PRORP: variants seen among roughly 807,000 people sequenced by gnomAD.
PRORP encodes the protein protein only RNase P catalytic subunit.
Under a neutral mutation model 59.4 loss-of-function variants are expected in PRORP, and 51 were observed. That is an observed-to-expected ratio of 0.86 (90% CI 0.69 to 1.08). The LOEUF (loss-of-function observed/expected upper bound fraction) is 1.08, where lower values mean the gene tolerates loss of function less well. PRORP is among the 50% of genes least tolerant of loss of function. The probability of loss-of-function intolerance (pLI) is 0.00; values close to 1 mark genes in which losing one functional copy is unlikely to be tolerated. For missense variants in PRORP, 646 were observed against 690.3 expected (o/e 0.94, Z 0.72); for synonymous variants, 231 against 245.6 (o/e 0.94, Z 0.55).
Position 35,233,254 on chromosome 14 carries a change from C to T in PRORP, c.1276-33473C>T, listed in dbSNP as rs911889043. Among the ~76,000 whole-genome samples the T allele has an allele frequency of 8.7e-5, 13 of 149,994 alleles. 1 individual carries two copies. The highest frequency in any genetic ancestry group is 2.7e-4 in the African/African-American group (11 of 40,748). Reference sequence around the variant, plus strand: ...ATTGTTTCTGATAGGTACTTACCATCGGCTACGGCATTGCATAACTCTAGA... The same window carrying T: ...ATTGTTTCTGATAGGTACTTACCATTGGCTACGGCATTGCATAACTCTAGA... On this transcript the variant is annotated intron_variant, in intron 5 of 7. Transcript: ENST00000534898.
At chr14:35,263,099 T>C in intron 5 of PRORP, 1 of 1,129,710 alleles carries the variant, frequency 8.9e-7, no homozygotes, top group Middle Eastern at 2.9e-4. Context: ...CTATTTGTGA[T>C]GTTTAAATGA....
chr14:35,167,492 T>A (rs2048212928), intron 4 of PRORP, among the ~76,000 whole-genome samples: 1 of 152,214 alleles, frequency 6.6e-6, no homozygotes, highest in East Asian at 1.9e-4. Context: ...TCTCTTTAGT[T>A]TACAGTACTG....
chr14:35,132,902 TTTTTG>T (rs142726818), intron 4 of PRORP, among the ~76,000 whole-genome samples: 32,578 of 151,096 alleles, frequency 0.22, 4,117 homozygotes, highest in African/African-American at 0.35. Flanking sequence ...AGTTAGTGTT[TTTTTG>T]TTTTGTTTTG....
At chr14:35,177,995 A>G (rs56994597) in intron 4 of PRORP, among the ~76,000 whole-genome samples, 1 of 152,132 alleles carries the variant, frequency 6.6e-6, no homozygotes, top group Admixed American at 6.5e-5. Flanking sequence ...CCTTCATTTC[A>G]TTATGTACCC....
intron 6 of PRORP, among the ~76,000 whole-genome samples, chr14:35,268,851 C>T (rs1322659076): frequency 1.3e-5 from 2 of 152,228 alleles, no homozygotes; most frequent in Non-Finnish European, 2.9e-5. Context: ...ACCTCAGCCT[C>T]CCAAAGTGCT....
chr14:35,256,388 G>A (rs1208620825), intron 5 of PRORP, among the ~76,000 whole-genome samples: 2 of 121,196 alleles, frequency 1.7e-5, no homozygotes, highest in African/African-American at 6.7e-5. Context: ...CTGGAGTTCA[G>A]TGGTGCAATC....
chr14:35,198,698 T>C (rs956932054), intron 5 of PRORP, among the ~76,000 whole-genome samples: 3 of 152,234 alleles, frequency 2.0e-5, no homozygotes, highest in Non-Finnish European at 2.9e-5. Context: ...GAGGTACTTA[T>C]GTAAGTTCTA....
intron 5 of PRORP, among the ~76,000 whole-genome samples, chr14:35,249,306 G>C (rs1204334546): frequency 6.6e-6 from 1 of 152,138 alleles, no homozygotes; most frequent in Non-Finnish European, 1.5e-5. Flanking sequence ...GATGGGCTGG[G>C]CATGGTGGTT....
At chr14:35,121,937 C>G, upstream of PRORP, 3 of 1,614,154 alleles carry the variant, frequency 1.9e-6, no homozygotes, top group Non-Finnish European at 8.5e-7. Flanking sequence ...TAGGCGCCGA[C>G]GAAGAACTTC....
intron 3 of PRORP, 83 bp from the exon 4 acceptor site, chr14:35,127,396 C>T (rs995199997): frequency 7.0e-5 from 65 of 926,696 alleles, no homozygotes; most frequent in Middle Eastern, 6.5e-4. Flanking sequence ...TTTTAATTTC[C>T]TCATTGTTCA....
chr14:35,253,355 G>A (rs373921347), intron 5 of PRORP, among the ~76,000 whole-genome samples: 21 of 113,004 alleles, frequency 1.9e-4, no homozygotes, highest in East Asian at 6.1e-4. Flanking sequence ...GAGAGAGAGA[G>A]AGAAAGAAAG....
chr14:35,180,113 C>T (rs1350233816), intron 4 of PRORP, among the ~76,000 whole-genome samples: 1 of 152,112 alleles, frequency 6.6e-6, no homozygotes, highest in Non-Finnish European at 1.5e-5. Context: ...TCAGGGGTAC[C>T]CGGCCGTGTG....
chr14:35,184,076 T>C (rs1042951344), intron 5 of PRORP, among the ~76,000 whole-genome samples: 1 of 152,170 alleles, frequency 6.6e-6, no homozygotes, highest in Non-Finnish European at 1.5e-5. Context: ...CTATAAACTC[T>C]CTGCATTATA....
chr14:35,200,764 C>T (rs1034007384), intron 5 of PRORP, among the ~76,000 whole-genome samples: 11 of 151,768 alleles, frequency 7.2e-5, no homozygotes, highest in Admixed American at 4.6e-4. Flanking sequence ...TAGTAGAGTT[C>T]TCATATACCC....
rs775266657 is a variant in PRORP, at chr14:35,201,525, G to A, written c.1275+20748G>A. Among the ~76,000 whole-genome samples, 18 of 151,094 alleles carry A rather than the reference G, an allele frequency of 1.2e-4. 1 individual carries two copies. Among genetic ancestry groups the A allele is most frequent in the African/African-American group, 4.1e-4 (17 of 41,122 alleles). ...TGCTGCTCACAGTGTTCTACCTTTG[G>A]CCATTGCAAGCTTTTTGTTGCTGTA... On this transcript the variant is annotated intron_variant, in intron 5 of 7. Coordinates refer to ENST00000534898, the MANE Select transcript of PRORP (RefSeq NM_014672.4).
chr14:35,230,910 C>T (rs1054653089), intron 5 of PRORP, among the ~76,000 whole-genome samples: 7 of 150,424 alleles, frequency 4.7e-5, no homozygotes, highest in African/African-American at 1.5e-4. Context: ...TGCAGTATGC[C>T]ACCAACTGTG....
chr14:35,214,215 G>A (rs2049526958), intron 5 of PRORP, among the ~76,000 whole-genome samples: 1 of 152,290 alleles, frequency 6.6e-6, no homozygotes, highest in East Asian at 1.9e-4. Context: ...AGGAGCAGGA[G>A]AATGAGAAAA....
chr14:35,194,874 G>T (rs1420321801), intron 5 of PRORP, among the ~76,000 whole-genome samples: 2 of 152,040 alleles, frequency 1.3e-5, no homozygotes, highest in Non-Finnish European at 2.9e-5. Flanking sequence ...TAGGCAAATT[G>T]TGATTTCTTT....
intron 4 of PRORP, among the ~76,000 whole-genome samples, chr14:35,153,465 T>C (rs2047834488): frequency 6.6e-6 from 1 of 152,170 alleles, no homozygotes; most frequent in South Asian, 2.1e-4. Flanking sequence ...TCCCCTTTTT[T>C]GCTAAACCTC....
Sources: gnomAD v4.1 joint callset for allele counts (sites outside exome capture counted in the v4.1 genomes callset) on GRCh38, gnomAD v4.1.1 for gene constraint, MANE v1.5 for transcripts, NCBI Gene and HGNC (gene_info 2026-07-23, HGNC 2026-07-21) for gene names.